PTPRD: variants seen among roughly 807,000 people sequenced by gnomAD.
PTPRD encodes the protein protein tyrosine phosphatase receptor type D.
A neutral mutation model predicts 214.5 loss-of-function variants in PTPRD; 34 were observed. That is an observed-to-expected ratio of 0.16 (90% CI 0.12 to 0.21). The LOEUF is 0.21. Among genes scored for constraint, PTPRD ranks in the 10% least tolerant of loss-of-function variants. The pLI is 1.00. For synonymous variants in PTPRD, 1,128 were observed against 845.7 expected (o/e 1.33, Z -5.79); for missense variants, 2,545 against 2,398.7 (o/e 1.06, Z -1.27).
intron 11 of PTPRD, among the ~76,000 whole-genome samples, chr9:8,928,591 T>C: frequency 6.6e-6 from 1 of 151,598 alleles, no homozygotes; most frequent in Non-Finnish European, 1.5e-5. Context: ...TTGGTTACTC[T>C]AGCCTTGTAG....
chr9:10,101,384 C>G (rs2098550443), intron 3 of PTPRD, among the ~76,000 whole-genome samples: 1 of 151,782 alleles, frequency 6.6e-6, no homozygotes, highest in South Asian at 2.1e-4. Flanking sequence ...CCTTTCACTG[C>G]TAATATAGTG....
chr9:10,539,930 T>C (rs557970784), intron 2 of PTPRD, among the ~76,000 whole-genome samples: 1 of 152,360 alleles, frequency 6.6e-6, no homozygotes, highest in South Asian at 2.1e-4. Context: ...TATCATTGTA[T>C]GCCAATTAAT....
At chr9:8,484,566 A>C (rs1356461399) in intron 29 of PTPRD, among the ~76,000 whole-genome samples, 188 bp from the exon 30 acceptor site, 1 of 151,842 alleles carries the variant, frequency 6.6e-6, no homozygotes, top group Non-Finnish European at 1.5e-5. Flanking sequence ...CCTACTGTGT[A>C]ATGATAAAAT....
chr9:10,459,463 G>A (rs144701813), intron 2 of PTPRD, among the ~76,000 whole-genome samples: 1 of 152,232 alleles, frequency 6.6e-6, no homozygotes, highest in Non-Finnish European at 1.5e-5. Context: ...CTAGATCCTT[G>A]AGGAATCACC....
chr9:10,549,009 T>C (rs1156721273), intron 2 of PTPRD, among the ~76,000 whole-genome samples: 1 of 152,192 alleles, frequency 6.6e-6, no homozygotes, highest in Non-Finnish European at 1.5e-5. Context: ...AGCAACTTCA[T>C]GTATGAGACA....
intron 2 of PTPRD, among the ~76,000 whole-genome samples, chr9:10,508,671 C>G (rs1258593746): frequency 6.6e-6 from 1 of 152,092 alleles, no homozygotes; most frequent in Non-Finnish European, 1.5e-5. Context: ...TAGAAACCAT[C>G]ATTCTCAGCA....
At chr9:9,834,361 T>C (rs551608325) in intron 5 of PTPRD, among the ~76,000 whole-genome samples, 1 of 152,188 alleles carries the variant, frequency 6.6e-6, no homozygotes, top group African/African-American at 2.4e-5. Flanking sequence ...CCATGGATTA[T>C]TGCATAGTGG....
At chr9:8,789,869 G>A (rs73640951) in intron 11 of PTPRD, among the ~76,000 whole-genome samples, 19,944 of 152,122 alleles carry the variant, frequency 0.13, 1,528 homozygotes, top group East Asian at 0.35. Context: ...AGACTAGAGT[G>A]TATCTTTGAA....
intron 7 of PTPRD, among the ~76,000 whole-genome samples, chr9:9,603,985 A>G (rs10977868): frequency 0.4 from 61,230 of 151,882 alleles, 12,945 homozygotes; most frequent in Middle Eastern, 0.48. Context: ...CAACTCATTA[A>G]AATTTTTTTT....
At chr9:9,186,637 T>C (rs1197055353) in intron 9 of PTPRD, among the ~76,000 whole-genome samples, 1 of 21,080 alleles carries the variant, frequency 4.7e-5, no homozygotes, top group Non-Finnish European at 1.6e-4. Flanking sequence ...TCTCCCTCTC[T>C]CTCTCTCTCT....
intron 10 of PTPRD, among the ~76,000 whole-genome samples, chr9:9,079,267 A>AT (rs1486048078): frequency 6.6e-6 from 1 of 151,656 alleles, no homozygotes; most frequent in African/African-American, 2.4e-5. Context: ...ATTAGATCAA[A>AT]TTTTTTTTAG....
intron 3 of PTPRD, among the ~76,000 whole-genome samples, chr9:10,294,392 G>A (rs1344476741): frequency 6.6e-6 from 1 of 151,890 alleles, no homozygotes; most frequent in Non-Finnish European, 1.5e-5. Context: ...GTGGTTACAA[G>A]CTAAAGCATA....
chr9:10,125,907 G>A (rs554440841), intron 3 of PTPRD, among the ~76,000 whole-genome samples: 2 of 152,174 alleles, frequency 1.3e-5, no homozygotes, highest in East Asian at 3.9e-4. Flanking sequence ...AATGTCTAAA[G>A]ATATGGTAAT....
In PTPRD at chr9:9,072,992, G is replaced by C. The variant is rs143594013; in HGVS notation, c.-142-54257C>G. Among the ~76,000 whole-genome samples the C allele has an allele frequency of 4.5e-3, 682 of 152,172 alleles. 6 individuals carry two copies. Among genetic ancestry groups the C allele is most frequent in the African/African-American group, 0.015 (639 of 41,508 alleles). ...TATTTGAGAGAGATTTTCGATTTGA[G>C]GATCTCAAACATGGAAGTTCAGAAT... On this transcript the variant is annotated intron_variant, in intron 10 of 45. Transcript: ENST00000381196.
chr9:10,585,553 A>G (rs2073612170), intron 2 of PTPRD, among the ~76,000 whole-genome samples: 1 of 152,136 alleles, frequency 6.6e-6, no homozygotes, highest in Non-Finnish European at 1.5e-5. Context: ...ATCTCACATC[A>G]TGCCATGTTA....
intron 10 of PTPRD, among the ~76,000 whole-genome samples, chr9:9,112,402 G>C (rs1591809813): frequency 6.6e-6 from 1 of 152,064 alleles, no homozygotes; most frequent in East Asian, 1.9e-4. Context: ...TCAGATCACT[G>C]ACTGCTCGCT....
intron 7 of PTPRD, among the ~76,000 whole-genome samples, chr9:9,638,991 C>T (rs1173378532): frequency 3.9e-5 from 6 of 152,184 alleles, no homozygotes. Flanking sequence ...CTGCCCTCAT[C>T]ACCAAAACAC....
In PTPRD at chr9:9,193,745, G is replaced by C. The variant is rs540251851; in HGVS notation, c.-202-10382C>G. ...TACCATGAATGGAGCTTACAGGACAGAAGCTGCCCTGGGTGAGTCTGTGAG... is the reference window on the plus strand; with the variant it reads ...TACCATGAATGGAGCTTACAGGACACAAGCTGCCCTGGGTGAGTCTGTGAG... On this transcript the variant is annotated intron_variant, in intron 9 of 45. Coordinates refer to ENST00000381196, the MANE Select transcript of PTPRD (RefSeq NM_002839.4). Among the ~76,000 whole-genome samples, 27 of 152,286 alleles carry C rather than the reference G, an allele frequency of 1.8e-4. No individual in the cohort carries two copies. In the South Asian group the frequency reaches 4.6e-3, roughly 26 times the overall value.
intron 2 of PTPRD, among the ~76,000 whole-genome samples, chr9:10,524,087 C>T (rs833404): frequency 0.53 from 80,212 of 151,744 alleles, 21,699 homozygotes; most frequent in East Asian, 0.66. Flanking sequence ...CCTTGGTACA[C>T]GCACAGATTT....
Sources: gnomAD v4.1 joint callset for allele counts (sites outside exome capture counted in the v4.1 genomes callset) on GRCh38, gnomAD v4.1.1 for gene constraint, MANE v1.5 for transcripts, NCBI Gene and HGNC (gene_info 2026-07-23, HGNC 2026-07-21) for gene names.